SLC7A6: variants seen among roughly 807,000 people sequenced by gnomAD.
SLC7A6 encodes the protein solute carrier family 7 member 6.
In SLC7A6, 29 loss-of-function variants were observed where a neutral mutation model predicts 46.6. The observed-to-expected ratio is 0.62, with a 90% CI of 0.46 to 0.85. The LOEUF (loss-of-function observed/expected upper bound fraction) is 0.85, where lower values mean the gene tolerates loss of function less well. Among genes scored for constraint, SLC7A6 ranks in the 40% least tolerant of loss-of-function variants. The pLI, the probability that SLC7A6 is intolerant of heterozygous loss-of-function variation, is 0.00. For synonymous variants in SLC7A6, 276 were observed against 257.3 expected (o/e 1.07, Z -0.70); for missense variants, 527 against 647.6 (o/e 0.81, Z 2.02).
At chr16:68,290,361 C>T in intron 4 of SLC7A6, 35 bp from the exon 5 acceptor site, 2 of 1,612,656 alleles carry the variant, frequency 1.2e-6, no homozygotes, top group Non-Finnish European at 8.5e-7. Flanking sequence ...CCTGTTCCTT[C>T]TCTCTGAACC....
Position 68,274,820 on chromosome 16 carries a change from C to T in SLC7A6, c.94C>T (p.Pro32Ser), listed in dbSNP as rs751423561. The T allele has an allele frequency of 9.9e-6, 16 of 1,614,082 alleles. No homozygotes were observed. The highest frequency in any genetic ancestry group is 1.3e-5 in the Non-Finnish European group (15 of 1,180,054). The change falls in exon 3 of 11, where the codon CCT becomes TCT. Residue 32 changes from proline (P) to serine (S), a missense_variant. By Grantham distance (74) the Pro-to-Ser change is moderately conservative. Transcript: ENST00000219343. The stretch of plus-strand genomic sequence containing the variant: ...GGTGGAAGAAGATGTCAGCTCGCCA[C>T]CTCAAAGGTCCTCCGAAACTATGCA... The part of the protein sequence containing the change: ...SQVEEDVSSP[P>S]QRSSETMQLK...
At position 68,291,311 on chromosome 16, in the gene SLC7A6, T is replaced by C; in HGVS notation, c.897T>C (p.Leu299=). ...CAGTGCTGAACATTTCAGATGTCCT[T>C]AGCAGTGATGCTGTGGCTGTGGTGA... The part of the protein sequence containing the change: ...YYTVLNISDV[L]SSDAVAVTFA... The change falls in exon 6 of 11, where the codon CTT becomes CTC. Residue 299 remains leucine, a synonymous_variant. Coordinates refer to ENST00000219343, the MANE Select transcript of SLC7A6 (RefSeq NM_003983.6). 6.2e-7 allele frequency: 1 copy of C among 1,614,184 alleles called. No individual in the cohort carries two copies. Among genetic ancestry groups the C allele is most frequent in the Non-Finnish European group, 8.5e-7 (1 of 1,180,018 alleles).
Position 68,294,685 on chromosome 16 carries a change from C to T in SLC7A6, c.1023-20C>T. 6.5e-7 allele frequency: 1 copy of T among 1,547,848 alleles called. No homozygotes were observed. Among genetic ancestry groups the T allele is most frequent in the Non-Finnish European group, 8.9e-7 (1 of 1,119,594 alleles). On this transcript the variant is annotated intron_variant, in intron 7 of 10. Transcript: ENST00000219343. ...TAAAAGGAGTAAAGGATCCTGCTGA[C>T]ACATTTCTCATCCTTCTAGGTTGTT...
Position 68,296,800 on chromosome 16 carries a change from G to T in SLC7A6, c.1443G>T (p.Arg481=), listed in dbSNP as rs746506851. 3 of 1,614,056 alleles carry T rather than the reference G, an allele frequency of 1.9e-6. No individual in the cohort carries two copies. The South Asian group carries it at 3.3e-5, about 18-fold the overall frequency. ...AGTCCCGGAGGCCATTGTTTATTCGGAATGTCCTGGGTGAGCTTCTCTGTG... is the reference window on the plus strand; with the variant it reads ...AGTCCCGGAGGCCATTGTTTATTCGTAATGTCCTGGGTGAGCTTCTCTGTG... The part of the protein sequence containing the change: ...LPESRRPLFI[R]NVLAAITRGT... The change falls in exon 10 of 11, where the codon CGG becomes CGT. Residue 481 remains arginine, a synonymous_variant. Transcript: ENST00000219343.
In SLC7A6 at chr16:68,297,508, A is replaced by C; in HGVS notation, c.*180A>C. The C allele has an allele frequency of 4.8e-5, 10 of 207,084 alleles. No homozygotes were observed. The highest frequency in any genetic ancestry group is 3.3e-4 in the East Asian group (2 of 6,100). The allele number at this position is 207,084 out of a possible 1,614,324, so 12.8% of individuals were successfully genotyped here. On this transcript the variant is annotated 3_prime_UTR_variant, in exon 11 of 11. Transcript: ENST00000219343. ...TATAGGAGACTCAGGATCTGGGCCA[A>C]CCTCAAGGTGGGGGCTTCAGAGGGT...
At position 68,291,313 on chromosome 16, in the gene SLC7A6, G is replaced by C. The variant is rs775509049; in HGVS notation, c.899G>C (p.Ser300Thr). 2.5e-6 allele frequency: 4 copies of C among 1,614,146 alleles called. No individual in the cohort carries two copies. Among genetic ancestry groups the C allele is most frequent in the Non-Finnish European group, 3.4e-6 (4 of 1,180,022 alleles). Residue 300 changes from serine to threonine, a missense_variant, in exon 6 of 11, where the codon AGC (serine) becomes ACC (threonine). Ser to Thr is a moderately conservative substitution (Grantham distance 58, BLOSUM62 1). Transcript: ENST00000219343. ...YTVLNISDVL[S>T]SDAVAVTFAD... ...GTGCTGAACATTTCAGATGTCCTTA[G>C]CAGTGATGCTGTGGCTGTGGTGAGT...
In SLC7A6 at chr16:68,296,563, G is replaced by A. The variant is rs768058768; in HGVS notation, c.1269+50G>A. ...AGGGGTGGGCCATCTCCCTAAGGTG[G>A]CTTCTTGCCCACGAGCTGTTTCCTC... On this transcript the variant is annotated intron_variant, in intron 9 of 10. Transcript: ENST00000219343. 4 of 1,613,656 alleles carry A rather than the reference G, an allele frequency of 2.5e-6. No individual in the cohort carries two copies. The South Asian group carries it at 4.4e-5, about 18-fold the overall frequency.
chr16:68,299,693 GTTGCTGTATGAGAATGGCTTTCAATC>G lies in SLC7A6; in HGVS notation c.*2366_*2391del, dbSNP rs1205135861. On this transcript the variant is annotated 3_prime_UTR_variant, in exon 11 of 11. Coordinates refer to ENST00000219343, the MANE Select transcript of SLC7A6 (RefSeq NM_003983.6). The stretch of plus-strand genomic sequence containing the variant: ...CACAGTGTTTTGTTTTTTTCACCCG[GTTGCTGTATGAGAATGGCTTTCAATC>G]CTTTGTTTCTATGCCTACAGACAGA... 2.0e-5 allele frequency: 3 copies of G among 152,118 alleles called. No homozygotes were observed. The highest frequency in any genetic ancestry group is 7.2e-5 in the African/African-American group (3 of 41,422). The allele number at this position is 152,118 out of a possible 1,614,324, so 9.4% of individuals were successfully genotyped here.
chr16:68,297,120 G>A, intron 10 of SLC7A6, 114 bp from the exon 11 acceptor site: 1 of 929,594 alleles, frequency 1.1e-6, no homozygotes, highest in Non-Finnish European at 1.6e-6. Flanking sequence ...CCTGATATAG[G>A]GTACTTAAGG....
intron 7 of SLC7A6, 88 bp from the exon 8 acceptor site, chr16:68,294,617 C>A: frequency 1.1e-6 from 1 of 942,218 alleles, no homozygotes; most frequent in South Asian, 1.4e-5. Context: ...TCCTCGGGGG[C>A]TCTGAGCTGA....
intron 8 of SLC7A6, among the ~76,000 whole-genome samples, chr16:68,295,298 A>C (rs1250555466): frequency 6.6e-6 from 1 of 152,148 alleles, no homozygotes; most frequent in African/African-American, 2.4e-5. Context: ...CGCCCTTGGA[A>C]TTTTCCTAGC....
chr16:68,286,018 C>T (rs1354012706), intron 3 of SLC7A6, among the ~76,000 whole-genome samples: 2 of 149,128 alleles, frequency 1.3e-5, no homozygotes, highest in Non-Finnish European at 3.0e-5. Flanking sequence ...ATCACTTGAG[C>T]CCTGGACATC....
chr16:68,291,379 G>C (rs1488908430), intron 6 of SLC7A6, 47 bp downstream of exon 6: 5 of 1,610,214 alleles, frequency 3.1e-6, no homozygotes, highest in Non-Finnish European at 4.2e-6. Context: ...CTGATACTGA[G>C]CCACCCTGCA....
chr16:68,296,284 T>C, intron 8 of SLC7A6, 80 bp from the exon 9 acceptor site: 1 of 1,522,710 alleles, frequency 6.6e-7, no homozygotes, highest in South Asian at 1.2e-5. Flanking sequence ...TCAGATCTAG[T>C]ACTGACTGCT....
At chr16:68,290,212 T>C (rs2043019113) in intron 4 of SLC7A6, 184 bp from the exon 5 acceptor site, 3 of 608,328 alleles carry the variant, frequency 4.9e-6, no homozygotes, top group Non-Finnish European at 8.4e-6. Context: ...ATTATGTTTT[T>C]TTTTCTTTCC....
chr16:68,284,686 C>T, intron 3 of SLC7A6: 1 of 982,904 alleles, frequency 1.0e-6, no homozygotes, highest in Non-Finnish European at 1.2e-6. Context: ...AGCTTCTCTT[C>T]CCCTTGGAGC....
In SLC7A6 at chr16:68,296,633, G is replaced by A. The variant is rs576161347; in HGVS notation, c.1276G>A (p.Val426Met). The change falls in exon 10 of 11, where the codon GTG (valine) becomes ATG (methionine). Residue 426 changes from valine (V) to methionine (M), a missense_variant. Coordinates refer to ENST00000219343, the MANE Select transcript of SLC7A6 (RefSeq NM_003983.6). The stretch of plus-strand genomic sequence containing the variant: ...CTCACCCCCTCTATTTCAGCTGAGC[G>A]TGTTTTTCCCCATCGTGTTCTGCAT... ...PKRPRPLKLS[V>M]FFPIVFCICS... 216 of 1,614,176 alleles carry A rather than the reference G, an allele frequency of 1.3e-4. 2 individuals carry two copies. The South Asian group carries it at 2.2e-3, about 16-fold the overall frequency.
intron 3 of SLC7A6, among the ~76,000 whole-genome samples, chr16:68,282,210 G>C (rs1201279006): frequency 6.6e-6 from 1 of 152,128 alleles, no homozygotes; most frequent in Non-Finnish European, 1.5e-5. Flanking sequence ...GTTGTTTCAA[G>C]ACTCCAACCC....
rs538322194 is a variant in SLC7A6 at position 68,278,835 on chromosome 16, C to T, written c.523+3586C>T. On this transcript the variant is annotated intron_variant, in intron 3 of 10. Coordinates refer to ENST00000219343, the MANE Select transcript of SLC7A6 (RefSeq NM_003983.6). ...TCAATGAGCTGTTGGGTACACCTCC[C>T]AGACGGGGTGGCGGCCGGGCAGAGG... is the stretch of plus-strand genomic sequence containing the variant. Among the ~76,000 whole-genome samples, 4 of 152,304 alleles carry T rather than the reference C, an allele frequency of 2.6e-5. No individual in the cohort carries two copies. The East Asian group carries it at 7.7e-4, about 29-fold the overall frequency.
Sources: allele counts gnomAD v4.1 joint callset (sites outside exome capture counted in the v4.1 genomes callset), GRCh38; gene constraint gnomAD v4.1.1; transcripts MANE v1.5; gene names NCBI Gene and HGNC (gene_info 2026-07-23, HGNC 2026-07-21).